TYW1B: variants seen among roughly 807,000 people sequenced by gnomAD.
TYW1B encodes S-adenosyl-L-methionine-dependent tRNA 4-demethylwyosine synthase TYW1B.
Under a neutral mutation model 86.9 loss-of-function variants are expected in TYW1B, and 73 were observed. The ratio of observed to expected loss-of-function variants is 0.84; its 90% CI spans 0.70 to 1.02. The LOEUF (loss-of-function observed/expected upper bound fraction) is 1.02, where lower values mean the gene tolerates loss of function less well. Ranked by LOEUF, TYW1B falls within the 50% of genes least tolerant of loss-of-function variation. The probability of loss-of-function intolerance (pLI) is 0.00; values close to 1 mark genes in which losing one functional copy is unlikely to be tolerated. For missense variants in TYW1B, 637 were observed against 827.4 expected (o/e 0.77, Z 2.82); for synonymous variants, 248 against 292.8 (o/e 0.85, Z 1.56).
rs1407358974 is a variant in TYW1B at position 72,773,626 on chromosome 7, C to T, written c.964+3790G>A. 3.3e-5 allele frequency among the ~76,000 whole-genome samples: 5 copies of T among 152,312 alleles called. No individual in the cohort carries two copies. In the South Asian group the frequency reaches 6.2e-4, roughly 19 times the overall value. On this transcript the variant is annotated intron_variant, in intron 7 of 13. Coordinates refer to ENST00000620995, the MANE Select transcript of TYW1B (RefSeq NM_001145440.3). ...ACAAAGAGACTCCAAGAGTCTACAGCGGATTTCTCTCAAGTATTTGCCCAA... is the reference window on the plus strand; with the variant it reads ...ACAAAGAGACTCCAAGAGTCTACAGTGGATTTCTCTCAAGTATTTGCCCAA...
chr7:72,725,484 C>T (rs548729934), intron 9 of TYW1B, among the ~76,000 whole-genome samples: 22 of 152,316 alleles, frequency 1.4e-4, no homozygotes, highest in African/African-American at 5.3e-4. Flanking sequence ...TCTGATATTA[C>T]TATCTGTGAT....
At chr7:72,808,343 A>G (rs1285922965) in intron 4 of TYW1B, among the ~76,000 whole-genome samples, 1 of 152,016 alleles carries the variant, frequency 6.6e-6, no homozygotes, top group Non-Finnish European at 1.5e-5. Flanking sequence ...CCAGCTACTC[A>G]GTAGGCTAAG....
chr7:72,600,151 G>A (rs1554433421), intron 13 of TYW1B, among the ~76,000 whole-genome samples: 2 of 152,102 alleles, frequency 1.3e-5, no homozygotes, highest in Non-Finnish European at 2.9e-5. Context: ...AAGACTGCAT[G>A]GTATTGGGGA....
chr7:72,700,097 A>C, intron 10 of TYW1B, among the ~76,000 whole-genome samples: 1 of 149,346 alleles, frequency 6.7e-6, no homozygotes, highest in Non-Finnish European at 1.5e-5. Context: ...GGCACATGGG[A>C]TAAGAGATTG....
At chr7:72,589,177 T>C (rs185871070) in intron 13 of TYW1B, among the ~76,000 whole-genome samples, 397 of 152,324 alleles carry the variant, frequency 2.6e-3, no homozygotes, top group Non-Finnish European at 3.4e-3. Context: ...GTATCTATGA[T>C]CCAATAGACT....
intron 3 of TYW1B, among the ~76,000 whole-genome samples, chr7:72,812,772 T>C (rs1554478636): frequency 6.6e-6 from 1 of 151,054 alleles, no homozygotes; most frequent in Non-Finnish European, 1.5e-5. Context: ...CTCAGCTCAC[T>C]GCAACCTCCA....
chr7:72,778,834 T>C (rs1466777804), intron 6 of TYW1B, among the ~76,000 whole-genome samples: 1 of 152,220 alleles, frequency 6.6e-6, no homozygotes. Context: ...CTTTAATTAC[T>C]GTTACAAAAC....
chr7:72,791,954 T>C (rs1788226675), intron 6 of TYW1B, among the ~76,000 whole-genome samples: 1 of 152,284 alleles, frequency 6.6e-6, no homozygotes. Flanking sequence ...GCAACAAATC[T>C]GTAGCTGGTG....
At chr7:72,595,551 C>G (rs1427023728) in intron 13 of TYW1B, among the ~76,000 whole-genome samples, 3 of 152,132 alleles carry the variant, frequency 2.0e-5, no homozygotes, top group Non-Finnish European at 4.4e-5. Context: ...GGTGTGATGG[C>G]ATGCACTTGT....
intron 13 of TYW1B, among the ~76,000 whole-genome samples, chr7:72,615,067 G>C (rs1475509175): frequency 7.2e-5 from 11 of 152,208 alleles, no homozygotes; most frequent in Admixed American, 2.0e-4. Flanking sequence ...AATTAACCCT[G>C]TGGCTTTCCA....
intron 9 of TYW1B, chr7:72,723,220 T>C: frequency 2.8e-6 from 1 of 359,940 alleles, no homozygotes; most frequent in South Asian, 1.3e-4. Flanking sequence ...CCCTTTCCCC[T>C]GGTCCCCTGT....
At chr7:72,669,017 A>G (rs1813529674) in intron 11 of TYW1B, among the ~76,000 whole-genome samples, 1 of 152,050 alleles carries the variant, frequency 6.6e-6, no homozygotes, top group African/African-American at 2.4e-5. Flanking sequence ...AATATACTAC[A>G]CACAAAGCAA....
intron 11 of TYW1B, among the ~76,000 whole-genome samples, chr7:72,689,960 T>C (rs375157547): frequency 6.6e-6 from 1 of 152,228 alleles, no homozygotes; most frequent in Admixed American, 6.6e-5. Flanking sequence ...TAGAGGGCTA[T>C]CTCATTAATG....
chr7:72,614,035 G>GGAGAGAGAAC (rs1354540773), intron 13 of TYW1B, among the ~76,000 whole-genome samples: 2 of 151,314 alleles, frequency 1.3e-5, no homozygotes, highest in African/African-American at 2.4e-5. Flanking sequence ...GGGAAGGGAG[G>GGAGAGAGAAC]GAGAGAGAAC....
Position 72,808,113 on chromosome 7 carries a change from A to C in TYW1B, c.433-757T>G, listed in dbSNP as rs552730543. Among the ~76,000 whole-genome samples, 7 of 152,120 alleles carry C rather than the reference A, an allele frequency of 4.6e-5. No individual in the cohort carries two copies. In the South Asian group the frequency reaches 1.5e-3, roughly 32 times the overall value. On this transcript the variant is annotated intron_variant, in intron 4 of 13. Transcript: ENST00000620995. ...CTCTGTCTCAAAAAAAAAAAAAAAAAATTTACATATCTGAATTTTCCCATT... is the reference window on the plus strand; with the variant it reads ...CTCTGTCTCAAAAAAAAAAAAAAAACATTTACATATCTGAATTTTCCCATT...
chr7:72,720,317 G>A (rs1424863961), intron 9 of TYW1B, among the ~76,000 whole-genome samples: 1 of 152,208 alleles, frequency 6.6e-6, no homozygotes, highest in Non-Finnish European at 1.5e-5. Context: ...CAGTTCTGGG[G>A]AGAGGAAGAG....
At chr7:72,580,184 AC>A in intron 13 of TYW1B, among the ~76,000 whole-genome samples, 1 of 152,178 alleles carries the variant, frequency 6.6e-6, no homozygotes, top group African/African-American at 2.4e-5. Flanking sequence ...AAACTGAACC[AC>A]ATGTGCCACC....
chr7:72,706,130 A>C (rs1215488119), intron 10 of TYW1B, among the ~76,000 whole-genome samples: 1 of 152,244 alleles, frequency 6.6e-6, no homozygotes, highest in Non-Finnish European at 1.5e-5. Flanking sequence ...TATGAAACAC[A>C]CATGAATATT....
At chr7:72,827,413 G>A (rs1265852261) in intron 1 of TYW1B, among the ~76,000 whole-genome samples, 3 of 152,100 alleles carry the variant, frequency 2.0e-5, no homozygotes, top group African/African-American at 4.8e-5. Context: ...ATCTCGTGGG[G>A]GGGGCGGGGG....
Sources: gnomAD v4.1 joint callset for allele counts (sites outside exome capture counted in the v4.1 genomes callset) on GRCh38, gnomAD v4.1.1 for gene constraint, MANE v1.5 for transcripts, NCBI Gene and HGNC (gene_info 2026-07-23, HGNC 2026-07-21) for gene names.